Variants in CTNNA2 observed in about 807,000 individuals in gnomAD.
CTNNA2 encodes the protein catenin alpha-2.
A neutral mutation model predicts 101.0 loss-of-function variants in CTNNA2; 42 were observed. The ratio of observed to expected loss-of-function variants is 0.42; its 90% CI spans 0.32 to 0.54. The LOEUF (loss-of-function observed/expected upper bound fraction) is 0.54. CTNNA2 is among the 20% of genes least tolerant of loss of function. CTNNA2 has a pLI of 0.14. For missense variants in CTNNA2, 871 were observed against 1,223.1 expected (o/e 0.71, Z 4.29); for synonymous variants, 450 against 456.4 (o/e 0.99, Z 0.18).
chr2:80,299,986 C>T (rs973087277), intron 7 of CTNNA2, among the ~76,000 whole-genome samples: 3 of 152,084 alleles, frequency 2.0e-5, no homozygotes, highest in South Asian at 2.1e-4. Context: ...AAAGGTATGC[C>T]GTCTTCTAGA....
At chr2:79,291,803 G>A (rs1675825523) in intron 2 of CTNNA2, among the ~76,000 whole-genome samples, 1 of 152,178 alleles carries the variant, frequency 6.6e-6, no homozygotes, top group South Asian at 2.1e-4. Context: ...TCATGTGTCA[G>A]TTGTATTTAT....
chr2:79,566,547 G>A (rs1000756708), intron 1 of CTNNA2, among the ~76,000 whole-genome samples: 5 of 152,002 alleles, frequency 3.3e-5, no homozygotes, highest in Non-Finnish European at 5.9e-5. Flanking sequence ...ATACCCAAAA[G>A]ATGAAATGCT....
chr2:79,751,313 G>A (rs1184877760), intron 3 of CTNNA2, among the ~76,000 whole-genome samples: 1 of 152,144 alleles, frequency 6.6e-6, no homozygotes, highest in African/African-American at 2.4e-5. Flanking sequence ...ATATAAGATG[G>A]CTGGGCAGGG....
intron 2 of CTNNA2, among the ~76,000 whole-genome samples, chr2:79,256,895 G>C (rs537229441): frequency 1.3e-5 from 2 of 152,314 alleles, no homozygotes; most frequent in East Asian, 3.9e-4. Context: ...CTGGCACAAA[G>C]AGTGTGCTCA....
intron 2 of CTNNA2, among the ~76,000 whole-genome samples, chr2:79,694,402 C>T (rs1009633845): frequency 2.6e-5 from 4 of 151,908 alleles, no homozygotes; most frequent in Non-Finnish European, 4.4e-5. Context: ...CTTTTATTCT[C>T]CAGAAATAAT....
At chr2:79,370,615 G>A (rs1453305338) in intron 3 of CTNNA2, among the ~76,000 whole-genome samples, 1 of 151,858 alleles carries the variant, frequency 6.6e-6, no homozygotes, top group Admixed American at 6.6e-5. Flanking sequence ...ATTTTTTAAA[G>A]CAATGATCTT....
rs541934133 is a variant in CTNNA2, at chr2:79,419,679, A to G, written c.-135+45666A>G. On this transcript the variant is annotated intron_variant, in intron 4 of 21. Coordinates refer to the CTNNA2 transcript ENST00000466387. ...ATCTTTGGGGTTTTCTAGTAAAAAG[A>G]AACCCTTTGCCTCTTTAACAGACAA... Among the ~76,000 whole-genome samples the G allele has an allele frequency of 5.3e-5, 8 of 152,320 alleles. No homozygotes were observed. The East Asian group carries it at 1.5e-3, about 29-fold the overall frequency.
intron 2 of CTNNA2, among the ~76,000 whole-genome samples, chr2:79,210,088 T>TTGTGTGTGTGTGTGTGTGTGTGTGTGTG (rs59836500): frequency 1.2e-3 from 169 of 144,866 alleles, no homozygotes; most frequent in Middle Eastern, 7.1e-3. Flanking sequence ...TCAAGCTATA[T>TTGTGTGTGTGTGTGTGTGTGTGTGTGTG]TGTGTGTGTG....
At chr2:79,343,863 C>T (rs985216270) in intron 3 of CTNNA2, among the ~76,000 whole-genome samples, 4 of 151,924 alleles carry the variant, frequency 2.6e-5, no homozygotes, top group Admixed American at 6.6e-5. Context: ...AGTATGCTTT[C>T]GTTAAAGTTA....
intron 3 of CTNNA2, among the ~76,000 whole-genome samples, chr2:79,314,429 T>C (rs1301690153): frequency 6.6e-6 from 1 of 152,180 alleles, no homozygotes; most frequent in Admixed American, 6.5e-5. Context: ...TCAGGAAGAA[T>C]ATGCGTGGGC....
At chr2:79,544,261 T>C (rs1429986654) in intron 1 of CTNNA2, among the ~76,000 whole-genome samples, 1 of 152,176 alleles carries the variant, frequency 6.6e-6, no homozygotes, top group African/African-American at 2.4e-5. Context: ...TTTGAATGAA[T>C]AGTGTGTAGT....
At chr2:80,536,297 C>T (rs1410763344) in intron 9 of CTNNA2, among the ~76,000 whole-genome samples, 1 of 152,138 alleles carries the variant, frequency 6.6e-6, no homozygotes, top group African/African-American at 2.4e-5. Context: ...ACCATCCTCT[C>T]TGTGGTTTTA....
intron 3 of CTNNA2, among the ~76,000 whole-genome samples, chr2:79,761,382 G>C (rs767610767): frequency 6.6e-6 from 1 of 152,062 alleles, no homozygotes; most frequent in Non-Finnish European, 1.5e-5. Flanking sequence ...CTTCTATTTT[G>C]AATTTCTATA....
intron 12 of CTNNA2, among the ~76,000 whole-genome samples, 175 bp downstream of exon 12, chr2:80,556,068 T>C (rs1377967020): frequency 1.3e-5 from 2 of 152,214 alleles, no homozygotes; most frequent in Non-Finnish European, 2.9e-5. Context: ...ATTTGAATAA[T>C]ATTAGGAGAA....
intron 15 of CTNNA2, among the ~76,000 whole-genome samples, chr2:80,593,180 T>C (rs1449509571): frequency 2.0e-5 from 3 of 152,094 alleles, no homozygotes; most frequent in African/African-American, 4.8e-5. Context: ...ACCCACAAAA[T>C]AGAAAATCTG....
chr2:79,316,167 A>G (rs1676491831), intron 3 of CTNNA2, among the ~76,000 whole-genome samples: 1 of 152,050 alleles, frequency 6.6e-6, no homozygotes, highest in African/African-American at 2.4e-5. Flanking sequence ...ATGTGGATAG[A>G]TATCAGGATG....
In CTNNA2 at chr2:79,291,048, A is replaced by G. The variant is rs556694214; in HGVS notation, c.-405-21661A>G. On this transcript the variant is annotated intron_variant, in intron 2 of 21. Transcript: ENST00000466387. ...AGAACCCCACGACCTGCCTGTCTGC[A>G]TGCTCCCCCAAGAGGTTTGAGCAGT... 3.9e-4 allele frequency among the ~76,000 whole-genome samples: 60 copies of G among 152,226 alleles called. 1 individual carries two copies. Among genetic ancestry groups the G allele is most frequent in the African/African-American group, 1.3e-3 (54 of 41,534 alleles).
At chr2:79,417,693 G>GT (rs1308159678) in intron 4 of CTNNA2, among the ~76,000 whole-genome samples, 1 of 152,056 alleles carries the variant, frequency 6.6e-6, no homozygotes, top group African/African-American at 2.4e-5. Context: ...CTCAGACACT[G>GT]TTTTGGCAGA....
At chr2:80,018,851 A>G (rs1694350926) in intron 7 of CTNNA2, among the ~76,000 whole-genome samples, 2 of 152,118 alleles carry the variant, frequency 1.3e-5, no homozygotes, top group East Asian at 1.9e-4. Flanking sequence ...ACCATAGCCA[A>G]TATCTAAAGG....
Sources: gnomAD v4.1 joint callset for allele counts (sites outside exome capture counted in the v4.1 genomes callset) on GRCh38, gnomAD v4.1.1 for gene constraint, MANE v1.5 for transcripts, NCBI Gene and HGNC (gene_info 2026-07-23, HGNC 2026-07-21) for gene names.